Variants in DPP6 observed in about 807,000 individuals in gnomAD.
The protein encoded by DPP6 is dipeptidyl peptidase like 6.
Under a neutral mutation model 122.6 loss-of-function variants are expected in DPP6, and 69 were observed. The ratio of observed to expected loss-of-function variants is 0.56; its 90% confidence interval spans 0.46 to 0.69. The LOEUF is 0.69. DPP6 is among the 30% of genes least tolerant of loss of function. DPP6 has a pLI of 0.00. For synonymous variants in DPP6, 418 were observed against 433.1 expected (o/e 0.97, Z 0.43); for missense variants, 928 against 1,116.9 (o/e 0.83, Z 2.41).
intron 1 of DPP6, among the ~76,000 whole-genome samples, chr7:153,933,236 A>G (rs989298570): frequency 6.6e-6 from 1 of 151,912 alleles, no homozygotes; most frequent in Admixed American, 6.6e-5. Context: ...TTGACCAATG[A>G]TCTCTAAAAT....
intron 7 of DPP6, among the ~76,000 whole-genome samples, chr7:154,687,801 C>A (rs1399499275): frequency 1.3e-5 from 2 of 152,120 alleles, no homozygotes; most frequent in African/African-American, 4.8e-5. Context: ...CATTTTTTTA[C>A]TTTCATCTTT....
intron 2 of DPP6, among the ~76,000 whole-genome samples, chr7:154,449,930 C>T (rs890288457): frequency 1.3e-5 from 2 of 151,948 alleles, no homozygotes; most frequent in South Asian, 2.1e-4. Context: ...ATCACTTGAA[C>T]GTGGGATGGT....
intron 1 of DPP6, among the ~76,000 whole-genome samples, chr7:154,226,095 CAGG>C (rs1800583386): frequency 6.6e-6 from 1 of 152,060 alleles, no homozygotes; most frequent in Non-Finnish European, 1.5e-5. Flanking sequence ...TTGAGACTCA[CAGG>C]AGATTAGGCC....
chr7:154,731,884 G>T (rs919310624), intron 8 of DPP6, among the ~76,000 whole-genome samples: 1 of 152,104 alleles, frequency 6.6e-6, no homozygotes, highest in Admixed American at 6.5e-5. Flanking sequence ...TTGATGCAGG[G>T]CTCAGTAATT....
rs978589485 is a variant in DPP6, at chr7:154,618,623, C to T, written c.628-19198C>T. Among the ~76,000 whole-genome samples, 2 of 152,198 alleles carry T rather than the reference C, an allele frequency of 1.3e-5. No individual in the cohort carries two copies. Among genetic ancestry groups the T allele is most frequent in the African/African-American group, 4.8e-5 (2 of 41,434 alleles). ...GTGCTCAGAGCCACGCACAGGATCG[C>T]TAGAAGCCGGGGCCACAGCCCAGCT... On this transcript the variant is annotated intron_variant, in intron 5 of 25. Coordinates refer to ENST00000377770, the MANE Select transcript of DPP6 (RefSeq NM_130797.4). The surrounding 1 kb of genome is among the most constrained non-coding windows in gnomAD (Gnocchi z 4.1).
intron 7 of DPP6, among the ~76,000 whole-genome samples, chr7:154,698,985 G>A (rs769766278): frequency 2.0e-5 from 3 of 152,222 alleles, no homozygotes; most frequent in Non-Finnish European, 4.4e-5. Flanking sequence ...ACGAGCCCCT[G>A]TAGGCTGCAG....
intron 8 of DPP6, among the ~76,000 whole-genome samples, chr7:154,751,299 A>G (rs1843367970): frequency 1.3e-5 from 2 of 152,110 alleles, no homozygotes; most frequent in South Asian, 2.1e-4. Flanking sequence ...ACAGGCCGAT[A>G]TCTATCGATA....
At chr7:154,224,881 G>A (rs966273500) in intron 1 of DPP6, among the ~76,000 whole-genome samples, 1 of 151,800 alleles carries the variant, frequency 6.6e-6, no homozygotes, top group Non-Finnish European at 1.5e-5. Context: ...GGTGGCTTAT[G>A]CCTGTAATCC....
intron 6 of DPP6, 74 bp from the exon 7 acceptor site, chr7:154,669,286 G>C: frequency 1.3e-6 from 2 of 1,550,564 alleles, no homozygotes; most frequent in Non-Finnish European, 8.7e-7. Flanking sequence ...ATAGGTAGGG[G>C]ATAAAATTGC....
Position 154,245,689 on chromosome 7 carries a change from G to A in DPP6, c.243+192626G>A, listed in dbSNP as rs909648699. 5.4e-5 allele frequency among the ~76,000 whole-genome samples: 8 copies of A among 147,910 alleles called. No homozygotes were observed. The East Asian group carries it at 1.4e-3, about 26-fold the overall frequency. ...GTTAATATCAGAAAATGTAGACTTC[G>A]AGATAAGGAATGCTGTTAGAGGAAA... On this transcript the variant is annotated intron_variant, in intron 1 of 25. Transcript: ENST00000377770.
intron 1 of DPP6, among the ~76,000 whole-genome samples, chr7:154,236,956 A>G (rs956906651): frequency 2.0e-5 from 3 of 151,964 alleles, no homozygotes; most frequent in Admixed American, 6.5e-5. Context: ...CCCCATCACA[A>G]TTTCCAACCC....
chr7:154,793,989 T>C (rs1797849324), intron 10 of DPP6, 90 bp from the exon 11 acceptor site: 1 of 1,511,278 alleles, frequency 6.6e-7, no homozygotes, highest in Non-Finnish European at 8.9e-7. Flanking sequence ...CCGGCTCCCG[T>C]GTCGTGTCCA....
Position 154,876,117 on chromosome 7 carries a change from G to T in DPP6, c.2078+17G>T. On this transcript the variant is annotated intron_variant, in intron 20 of 25. Transcript: ENST00000377770. ...GGCCGTGCGGTGAGCACCCGCCCAG[G>T]AAGCAGGAGAGGCCGGGAGGGGACG... 1 of 1,563,338 alleles carries T rather than the reference G, an allele frequency of 6.4e-7. No individual in the cohort carries two copies.
the DPP6 span, among the ~76,000 whole-genome samples, chr7:153,799,177 T>C: frequency 4.6e-5 from 7 of 152,184 alleles, no homozygotes; most frequent in Admixed American, 1.3e-4. Context: ...AATGAAGATG[T>C]TCAATTCTTC....
chr7:154,320,619 G>C (rs1368957197), intron 1 of DPP6, among the ~76,000 whole-genome samples: 1 of 152,094 alleles, frequency 6.6e-6, no homozygotes, highest in Admixed American at 6.6e-5. Context: ...CTAGTAGCTG[G>C]GACCACAGGC....
intron 5 of DPP6, chr7:154,587,456 C>T (rs1832531228): frequency 4.7e-6 from 3 of 636,008 alleles, no homozygotes; most frequent in Non-Finnish European, 8.1e-6. Flanking sequence ...ACACAGCCTG[C>T]AGCTAAGCAT....
intron 6 of DPP6, 75 bp downstream of exon 6, chr7:154,637,948 T>C (rs1835834177): frequency 1.4e-6 from 2 of 1,474,484 alleles, no homozygotes; most frequent in East Asian, 2.5e-5. Flanking sequence ...GACGAGCTGT[T>C]TAACCCTTAG....
At chr7:154,873,015 C>G (rs1270388148) in intron 19 of DPP6, among the ~76,000 whole-genome samples, 1 of 152,214 alleles carries the variant, frequency 6.6e-6, no homozygotes, top group Non-Finnish European at 1.5e-5. Context: ...GGGACAGGTC[C>G]CAAGACACAG....
At chr7:154,544,848 G>C (rs1057303885) in intron 4 of DPP6, among the ~76,000 whole-genome samples, 1 of 152,210 alleles carries the variant, frequency 6.6e-6, no homozygotes, top group Admixed American at 6.5e-5. Flanking sequence ...GGAGGAGTGG[G>C]TTGGTTCTAT....
Sources: allele counts gnomAD v4.1 joint callset (sites outside exome capture counted in the v4.1 genomes callset), GRCh38; gene constraint gnomAD v4.1.1; non-coding constraint Gnocchi (gnomAD v3.1); transcripts MANE v1.5; gene names NCBI Gene and HGNC (gene_info 2026-07-23, HGNC 2026-07-21).